VPS36: variants seen among roughly 807,000 people sequenced by gnomAD.
VPS36 encodes vacuolar protein-sorting-associated protein 36.
VPS36 carries 31 observed loss-of-function variants against 63.5 expected under a neutral mutation model. The ratio of observed to expected loss-of-function variants is 0.49; its 90% confidence interval spans 0.37 to 0.66. The LOEUF is 0.66. Among genes scored for constraint, VPS36 ranks in the 30% least tolerant of loss-of-function variants. The pLI, the probability that VPS36 is intolerant of heterozygous loss-of-function variation, is 0.00. For synonymous variants in VPS36, 138 were observed against 157.2 expected, an observed-to-expected ratio of 0.88 and a Z score of 0.91; for missense variants, 338 against 463.7, an observed-to-expected ratio of 0.73 and a Z score of 2.49.
chr13:52,416,994 G>T, intron 12 of VPS36, 63 bp downstream of exon 12: 2 of 1,366,146 alleles, frequency 1.5e-6, no homozygotes, highest in South Asian at 1.3e-5. Flanking sequence ...TGTTTTTTGA[G>T]TTGCTAAGCC....
At chr13:52,442,287 G>C (rs1053000068) in intron 2 of VPS36, 90 bp downstream of exon 2, 1 of 1,208,382 alleles carries the variant, frequency 8.3e-7, no homozygotes. Context: ...AGAGGTTACA[G>C]ATCAGCCTAG....
intron 2 of VPS36, 149 bp downstream of exon 2, chr13:52,442,228 G>A (rs1958287190): frequency 3.8e-6 from 2 of 532,836 alleles, no homozygotes; most frequent in Non-Finnish European, 6.2e-6. Flanking sequence ...GCTCACTCCT[G>A]TAGCCCCGGC....
rs1197403897 is a variant in VPS36 at position 52,413,060 on chromosome 13, C to T, written c.*2770G>A. ...GGAGATTTTCAAGGACCATTCTGAG[C>T]ATGCTCAATTTTGTCCTTAGGCACG... On this transcript the variant is annotated 3_prime_UTR_variant, in exon 14 of 14. Coordinates refer to ENST00000378060, the MANE Select transcript of VPS36 (RefSeq NM_016075.4). The T allele has an allele frequency of 6.6e-6, 1 of 152,642 alleles. No homozygotes were observed. Among genetic ancestry groups the T allele is most frequent in the Non-Finnish European group, 1.5e-5 (1 of 68,032 alleles). 9.5% of individuals were successfully genotyped at this position (152,642 alleles called of 1,614,324 possible).
intron 6 of VPS36, among the ~76,000 whole-genome samples, chr13:52,431,779 A>AAAAGAAAG (rs1259456182): frequency 1.3e-5 from 2 of 148,392 alleles, no homozygotes; most frequent in African/African-American, 5.0e-5. Flanking sequence ...AAAAAAAAAA[A>AAAAGAAAG]AAAGAAAGAA....
intron 1 of VPS36, 81 bp from the exon 2 acceptor site, chr13:52,442,526 C>A: frequency 1.7e-6 from 2 of 1,181,508 alleles, no homozygotes; most frequent in Middle Eastern, 2.4e-4. Context: ...AATTATACCA[C>A]ACTAAATTAA....
intron 8 of VPS36, among the ~76,000 whole-genome samples, chr13:52,426,324 G>A (rs571652332): frequency 6.6e-6 from 1 of 152,232 alleles, no homozygotes; most frequent in South Asian, 2.1e-4. Context: ...TTCAGAAAAT[G>A]CCTCTGCTAT....
chr13:52,429,812 C>G (rs1193261032), intron 6 of VPS36, among the ~76,000 whole-genome samples: 1 of 151,946 alleles, frequency 6.6e-6, no homozygotes, highest in Non-Finnish European at 1.5e-5. Context: ...AAGAAAAATA[C>G]AAGTAGCAAT....
intron 6 of VPS36, among the ~76,000 whole-genome samples, chr13:52,427,492 A>C (rs1304394408): frequency 6.6e-6 from 1 of 152,178 alleles, no homozygotes; most frequent in Non-Finnish European, 1.5e-5. Flanking sequence ...CTGTAGTCCC[A>C]GCTACTCAGG....
intron 1 of VPS36, among the ~76,000 whole-genome samples, chr13:52,444,913 C>T (rs1357037917): frequency 6.6e-6 from 1 of 152,090 alleles, no homozygotes; most frequent in Non-Finnish European, 1.5e-5. Flanking sequence ...TTAAATCAAG[C>T]ACACATAGGA....
Position 52,417,136 on chromosome 13 carries a change from C to T in VPS36, c.911G>A (p.Arg304His), listed in dbSNP as rs145896285. 9.9e-6 allele frequency: 16 copies of T among 1,613,792 alleles called. No homozygotes were observed. The African/African-American group carries it at 1.3e-4, about 13-fold the overall frequency. Reference protein sequence around the residue: ...LEALKLPLRLRVFDSGVMVIE... With the variant: ...LEALKLPLRLHVFDSGVMVIE... Reference sequence around the variant, plus strand: ...TACCATGACGCCACTGTCAAACACACGGAGCCTGAAAACCACAGGTGCGAG... The same window carrying T: ...TACCATGACGCCACTGTCAAACACATGGAGCCTGAAAACCACAGGTGCGAG... Residue 304 changes from arginine to histidine, a missense_variant, in exon 12 of 14, where the codon CGT becomes CAT. Physicochemically the swap from Arg to His is conservative, Grantham distance 29. Coordinates refer to ENST00000378060, the MANE Select transcript of VPS36 (RefSeq NM_016075.4).
At chr13:52,450,020 CCGCTGGG>C in intron 1 of VPS36, 3 of 986,432 alleles carry the variant, frequency 3.0e-6, no homozygotes, top group Non-Finnish European at 3.6e-6. Context: ...GCTAAAGCTT[CCGCTGGG>C]GCACGGACTG....
chr13:52,440,779 T>C (rs547427782), intron 2 of VPS36, among the ~76,000 whole-genome samples: 1 of 152,282 alleles, frequency 6.6e-6, no homozygotes, highest in African/African-American at 2.4e-5. Context: ...TTTCTGAATA[T>C]ATATTACTTT....
chr13:52,425,105 G>A (rs755020169), intron 9 of VPS36, among the ~76,000 whole-genome samples: 9 of 151,356 alleles, frequency 5.9e-5, no homozygotes, highest in South Asian at 4.2e-4. Flanking sequence ...AAAATTAGCC[G>A]GGCGCAGTGG....
At chr13:52,434,605 G>A (rs909476109) in intron 5 of VPS36, among the ~76,000 whole-genome samples, 188 bp downstream of exon 5, 6 of 152,052 alleles carry the variant, frequency 3.9e-5, no homozygotes, top group Admixed American at 1.3e-4. Context: ...GATCCACCCC[G>A]CCTTGGCCTC....
chr13:52,441,076 C>T (rs1322142612), intron 2 of VPS36, among the ~76,000 whole-genome samples: 3 of 152,206 alleles, frequency 2.0e-5, no homozygotes, highest in Admixed American at 1.3e-4. Context: ...TTACCTGTCA[C>T]TTATCCCTGC....
chr13:52,445,483 C>CAA (rs1230971657), intron 1 of VPS36, among the ~76,000 whole-genome samples: 1 of 145,564 alleles, frequency 6.9e-6, no homozygotes. Context: ...ACTAAAAATA[C>CAA]AAAAAATTAG....
chr13:52,436,414 G>T lies in VPS36; in HGVS notation c.237-10C>A. 6.4e-7 allele frequency: 1 copy of T among 1,560,900 alleles called. No homozygotes were observed. Among genetic ancestry groups the T allele is most frequent in the Non-Finnish European group, 8.8e-7 (1 of 1,136,614 alleles). On this transcript the variant is annotated splice_polypyrimidine_tract_variant and intron_variant, in intron 3 of 13. Coordinates refer to ENST00000378060, the MANE Select transcript of VPS36 (RefSeq NM_016075.4). ...AACCACTATTTTGGCACTGAAGAAA[G>T]AACAAATGTAATATATTGAATTGTC...
chr13:52,418,573 C>CAAA (rs1201650906), intron 10 of VPS36, among the ~76,000 whole-genome samples: 17 of 31,152 alleles, frequency 5.5e-4, no homozygotes, highest in East Asian at 1.5e-3. Context: ...GACTCCATCT[C>CAAA]AAAAAAAAAA....
intron 1 of VPS36, among the ~76,000 whole-genome samples, chr13:52,448,872 T>C (rs979182493): frequency 1.3e-5 from 2 of 152,136 alleles, no homozygotes; most frequent in Non-Finnish European, 2.9e-5. Context: ...TCTAACACTG[T>C]CAACATTCGG....
Sources: allele counts gnomAD v4.1 joint callset (sites outside exome capture counted in the v4.1 genomes callset), GRCh38; gene constraint gnomAD v4.1.1; transcripts MANE v1.5; gene names NCBI Gene and HGNC (gene_info 2026-07-23, HGNC 2026-07-21).